HSD17B14: variants seen among roughly 807,000 people sequenced by gnomAD.
The protein encoded by HSD17B14 is hydroxysteroid 17-beta dehydrogenase 14, also known as L-fucose dehydrogenase.
A neutral mutation model predicts 32.2 loss-of-function variants in HSD17B14; 32 were observed. That is an observed-to-expected ratio of 0.99 (90% confidence interval 0.75 to 1.33). The LOEUF (loss-of-function observed/expected upper bound fraction) is 1.33. Ranked by LOEUF, HSD17B14 falls within the 40% of genes most tolerant of loss-of-function variation. The probability of loss-of-function intolerance (pLI) is 0.00; values close to 1 mark genes in which losing one functional copy is unlikely to be tolerated. For synonymous variants in HSD17B14, 140 were observed against 155.4 expected (o/e 0.90, Z 0.74); for missense variants, 370 against 366.5 (o/e 1.01, Z -0.08).
intron 6 of HSD17B14, among the ~76,000 whole-genome samples, chr19:48,814,186 C>T (rs927868210): frequency 1.8e-4 from 24 of 135,780 alleles, no homozygotes; most frequent in African/African-American, 6.8e-4. Context: ...CAGAGTGAGA[C>T]CCTATCTAAA....
At chr19:48,836,179 C>T in intron 1 of HSD17B14, 145 bp downstream of exon 1, 1 of 839,082 alleles carries the variant, frequency 1.2e-6, no homozygotes, top group Non-Finnish European at 1.9e-6. Flanking sequence ...TACAGCGCCA[C>T]ACGCTTACTT....
At chr19:48,834,412 G>T in intron 2 of HSD17B14, 54 bp from the exon 3 acceptor site, 4 of 1,165,546 alleles carry the variant, frequency 3.4e-6, no homozygotes, top group Non-Finnish European at 5.0e-6. Context: ...GGGAGGAGGG[G>T]TTGGGGACTT....
chr19:48,831,855 G>A lies in HSD17B14; in HGVS notation c.278-96C>T, dbSNP rs572566216. 245 of 713,488 alleles carry A rather than the reference G, an allele frequency of 3.4e-4. 1 individual carries two copies. In the African/African-American group the frequency reaches 3.8e-3, roughly 11 times the overall value. The allele number at this position is 713,488 out of a possible 1,614,324, so 44.2% of individuals were successfully genotyped here. The stretch of plus-strand genomic sequence containing the variant: ...AGCACTTTGGGAGGCTGAGGCAGGC[G>A]GATCATGAGGTCAGGAGTTCAAGAC... On this transcript the variant is annotated intron_variant, in intron 4 of 8. Transcript: ENST00000263278.
rs2034999439 is a variant in HSD17B14 at position 48,813,564 on chromosome 19, G to A, written c.543-12C>T. On this transcript the variant is annotated splice_polypyrimidine_tract_variant and intron_variant, in intron 7 of 8. Coordinates refer to ENST00000263278, the MANE Select transcript of HSD17B14 (RefSeq NM_016246.3). ...TTCCTGGGGAGATACTAGAGGAAGGGAGAGGGGGGATCAAAGCAATCTGTC... is the reference window on the plus strand; with the variant it reads ...TTCCTGGGGAGATACTAGAGGAAGGAAGAGGGGGGATCAAAGCAATCTGTC... The A allele has an allele frequency of 1.2e-6, 2 of 1,613,452 alleles. No homozygotes were observed. Among genetic ancestry groups the A allele is most frequent in the Non-Finnish European group, 1.7e-6 (2 of 1,179,532 alleles).
intron 5 of HSD17B14, among the ~76,000 whole-genome samples, chr19:48,816,252 G>A (rs2035049887): frequency 6.6e-6 from 1 of 152,072 alleles, no homozygotes; most frequent in South Asian, 2.1e-4. Flanking sequence ...AGACTAATTG[G>A]TACAAGGCAG....
rs765204383 is a variant in HSD17B14 at position 48,835,794 on chromosome 19, C to T, written c.127+11G>A. Reference sequence around the variant, plus strand: ...AAGGGCCAAGGTGAGGGCTGAGGGACCGTCACTCACCATCCTTGTCGCAGA... The same window carrying T: ...AAGGGCCAAGGTGAGGGCTGAGGGATCGTCACTCACCATCCTTGTCGCAGA... On this transcript the variant is annotated intron_variant, in intron 2 of 8. Transcript: ENST00000263278. The T allele has an allele frequency of 4.3e-5, 69 of 1,613,350 alleles. No homozygotes were observed. In the South Asian group the frequency reaches 7.2e-4, roughly 17 times the overall value.
In HSD17B14 at chr19:48,813,251, G is replaced by C; in HGVS notation, c.737C>G (p.Thr246Arg). ...CCCGTACCCCAGCTCTGCACCCCCC[G>C]TCACGAGCAGTTCAATGCCCGTGCA... ...NFCTGIELLV[T>R]GGAELGYGCK... The change falls in exon 9 of 9, where the codon ACG becomes AGG. Residue 246 changes from threonine (T) to arginine (R), a missense_variant. By Grantham distance (71) the Thr-to-Arg change is moderately conservative (BLOSUM62 -1). Coordinates refer to ENST00000263278, the MANE Select transcript of HSD17B14 (RefSeq NM_016246.3). 6.2e-7 allele frequency: 1 copy of C among 1,608,548 alleles called. No individual in the cohort carries two copies.
At position 48,836,425 on chromosome 19, in the gene HSD17B14, G is replaced by GTCTCTCTC. The variant is rs146134551; in HGVS notation, c.-22_-15dup. 5 of 1,592,924 alleles carry GTCTCTCTC rather than the reference G, an allele frequency of 3.1e-6. No homozygotes were observed. The highest frequency in any genetic ancestry group is 4.3e-6 in the Non-Finnish European group (5 of 1,164,978). The stretch of plus-strand genomic sequence containing the variant: ...TCCCGTAGCCATCCCGTGTACGTCG[G>GTCTCTCTC]TCTCTCTCTCTCTCTACTCTGGGCC... On this transcript the variant is annotated 5_prime_UTR_variant, in exon 1 of 9. Coordinates refer to ENST00000263278, the MANE Select transcript of HSD17B14 (RefSeq NM_016246.3).
At position 48,825,369 on chromosome 19, in the gene HSD17B14, C is replaced by T. The variant is rs183322474; in HGVS notation, c.369+6299G>A. 2.3e-3 allele frequency among the ~76,000 whole-genome samples: 345 copies of T among 151,988 alleles called. 2 individuals are homozygous for T. The highest frequency in any genetic ancestry group is 8.1e-3 in the African/African-American group (338 of 41,484). On this transcript the variant is annotated intron_variant, in intron 5 of 8. Transcript: ENST00000263278. Reference sequence around the variant, plus strand: ...CTCTGTTGCCCAGGCTGGAATGCAGCGGCACAATCATAGCTCACTACAGCC... The same window carrying T: ...CTCTGTTGCCCAGGCTGGAATGCAGTGGCACAATCATAGCTCACTACAGCC...
chr19:48,831,159 C>T (rs1433222547), intron 5 of HSD17B14, among the ~76,000 whole-genome samples: 1 of 152,090 alleles, frequency 6.6e-6, no homozygotes, highest in Non-Finnish European at 1.5e-5. Context: ...ACATCCCCTC[C>T]TACCACCACC....
chr19:48,836,268 G>A (rs2035512028), intron 1 of HSD17B14, 56 bp downstream of exon 1: 1 of 1,365,854 alleles, frequency 7.3e-7, no homozygotes, highest in African/African-American at 1.5e-5. Context: ...CCATCACCCC[G>A]CCCCCATCCT....
In HSD17B14 at chr19:48,833,296, A is replaced by T. The variant is rs2035379210; in HGVS notation, c.211-564T>A. On this transcript the variant is annotated intron_variant, in intron 3 of 8. Transcript: ENST00000263278. ...GGGGTGGGGCAGGGGGGTGACAAGG[A>T]TTCAGAGAGCGCGTAGGGGACAGTT... Among the ~76,000 whole-genome samples the T allele has an allele frequency of 3.3e-5, 5 of 151,832 alleles. No individual in the cohort carries two copies. The South Asian group carries it at 1.0e-3, about 32-fold the overall frequency.
At position 48,818,313 on chromosome 19, in the gene HSD17B14, AAAAAG is replaced by A. The variant is rs1161606977; in HGVS notation, c.370-3177_370-3173del. Among the ~76,000 whole-genome samples the A allele has an allele frequency of 5.7e-5, 5 of 88,446 alleles. No homozygotes were observed. The East Asian group carries it at 1.2e-3, about 21-fold the overall frequency. The allele number at this position is 88,446 out of a possible 152,430, so 58.0% of individuals were successfully genotyped here. A position where few individuals can be genotyped will look rare whatever the true frequency, so the allele number is the denominator to read the frequency against. On this transcript the variant is annotated intron_variant, in intron 5 of 8. Coordinates refer to ENST00000263278, the MANE Select transcript of HSD17B14 (RefSeq NM_016246.3). The stretch of plus-strand genomic sequence containing the variant: ...GCAGCAGATAAAGACTGTCTCAAAA[AAAAAG>A]AAAAAAGAAAAAAGAAAAAGAGAAA...
intron 5 of HSD17B14, among the ~76,000 whole-genome samples, chr19:48,817,632 G>A (rs746571260): frequency 1.3e-5 from 2 of 152,108 alleles, no homozygotes; most frequent in African/African-American, 4.8e-5. Context: ...CCACCAGCAT[G>A]CAGAAACCTA....
chr19:48,831,568 T>TA, intron 5 of HSD17B14, 100 bp downstream of exon 5: 1 of 863,050 alleles, frequency 1.2e-6, no homozygotes, highest in Non-Finnish European at 2.0e-6. Flanking sequence ...AACAAACAAA[T>TA]AAAAAGAACG....
At chr19:48,830,173 AC>A (rs1041255343) in intron 5 of HSD17B14, among the ~76,000 whole-genome samples, 3 of 150,460 alleles carry the variant, frequency 2.0e-5, no homozygotes, top group Non-Finnish European at 4.4e-5. Context: ...CCTTAACCCA[AC>A]CCCCCTTTCT....
rs959379857 is a variant in HSD17B14 at position 48,833,440 on chromosome 19, C to G, written c.211-708G>C. Among the ~76,000 whole-genome samples, 109 of 152,098 alleles carry G rather than the reference C, an allele frequency of 7.2e-4. 3 individuals are homozygous for G. Among genetic ancestry groups the G allele is most frequent in the Non-Finnish European group, 6.8e-4 (46 of 68,016 alleles). ...CGTGCAGTGGCTCACACCTGTAATC[C>G]CAACACTTTGGGAGGCTGAGGTGGG... On this transcript the variant is annotated intron_variant, in intron 3 of 8. Coordinates refer to ENST00000263278, the MANE Select transcript of HSD17B14 (RefSeq NM_016246.3).
chr19:48,819,664 G>T (rs1053484592), intron 5 of HSD17B14, among the ~76,000 whole-genome samples: 3 of 152,144 alleles, frequency 2.0e-5, no homozygotes, highest in African/African-American at 7.2e-5. Context: ...CAGGAAGTTT[G>T]GCTACATTCC....
At chr19:48,818,593 C>T (rs1568518283) in intron 5 of HSD17B14, among the ~76,000 whole-genome samples, 1 of 152,094 alleles carries the variant, frequency 6.6e-6, no homozygotes. Context: ...ATCTTGCCAC[C>T]CTCACCCCAG....
Sources: allele counts gnomAD v4.1 joint callset (sites outside exome capture counted in the v4.1 genomes callset), GRCh38; gene constraint gnomAD v4.1.1; transcripts MANE v1.5; gene names NCBI Gene and HGNC (gene_info 2026-07-23, HGNC 2026-07-21).